Variants in ABHD17B observed in about 807,000 individuals in gnomAD.
ABHD17B encodes the protein alpha/beta hydrolase domain-containing protein 17B.
Under a neutral mutation model 26.2 loss-of-function variants are expected in ABHD17B, and 9 were observed. That is an observed-to-expected ratio of 0.34 (90% confidence interval 0.21 to 0.60). ABHD17B has a LOEUF of 0.60. Ranked by LOEUF, ABHD17B falls within the 20% of genes least tolerant of loss-of-function variation. ABHD17B has a pLI of 0.80. For missense variants in ABHD17B, 224 were observed against 352.1 expected, an observed-to-expected ratio of 0.64 and a Z score of 2.91; for synonymous variants, 127 against 122.3, an observed-to-expected ratio of 1.04 and a Z score of -0.25.
chr9:71,870,118 A>G lies in ABHD17B; in HGVS notation c.612T>C (p.Asp204=). The G allele has an allele frequency of 2.5e-6, 4 of 1,613,532 alleles. No individual in the cohort carries two copies. Among genetic ancestry groups the G allele is most frequent in the Non-Finnish European group, 3.4e-6 (4 of 1,179,808 alleles). ...LTSGMRVAFP[D]TKKTYCFDAF... is the part of the protein sequence containing the mutation. ...CATCAAAACAGTAGGTCTTCTTGGT[A>G]TCAGGAAAGGCAACTCGCATTCCCG... The change falls in exon 3 of 4, where the codon GAT becomes GAC. Residue 204 remains aspartate (D), a synonymous_variant. Coordinates refer to ENST00000333421, the MANE Select transcript of ABHD17B (RefSeq NM_001025780.3).
chr9:71,900,933 A>G (rs1362701798), intron 1 of ABHD17B, among the ~76,000 whole-genome samples: 3 of 152,030 alleles, frequency 2.0e-5, no homozygotes, highest in Non-Finnish European at 2.9e-5. Context: ...GTGGATCACA[A>G]GGTCAGGAGA....
chr9:71,865,361 C>G lies in ABHD17B; in HGVS notation c.*1426G>C, dbSNP rs1396087331. 2.0e-6 allele frequency: 2 copies of G among 982,136 alleles called. No individual in the cohort carries two copies. Among genetic ancestry groups the G allele is most frequent in the African/African-American group, 1.8e-5 (1 of 57,084 alleles). The allele number at this position is 982,136 out of a possible 1,614,324, so 60.8% of individuals were successfully genotyped here. A position where few individuals can be genotyped will look rare whatever the true frequency, so the allele number is the denominator to read the frequency against. ...TTCATTTACAAATTAGACTACATAC[C>G]ATTAATTTTATTTTTATTTTTCATT... On this transcript the variant is annotated 3_prime_UTR_variant, in exon 4 of 4. Transcript: ENST00000333421.
intron 2 of ABHD17B, 88 bp from the exon 3 acceptor site, chr9:71,870,350 T>C: frequency 8.2e-7 from 1 of 1,214,290 alleles, no homozygotes; most frequent in Non-Finnish European, 1.1e-6. Context: ...GATCTTAGAA[T>C]AAGACAATGT....
intron 2 of ABHD17B, among the ~76,000 whole-genome samples, chr9:71,872,374 C>A (rs181928737): frequency 5.3e-5 from 8 of 152,174 alleles, no homozygotes; most frequent in African/African-American, 1.7e-4. Flanking sequence ...GGCTGAAAAT[C>A]ATTTTTCAAA....
chr9:71,883,419 A>T (rs1452937864), intron 1 of ABHD17B, among the ~76,000 whole-genome samples: 1 of 152,206 alleles, frequency 6.6e-6, no homozygotes, highest in African/African-American at 2.4e-5. Context: ...CTAGGGATTG[A>T]CACAGCTGGT....
At chr9:71,871,663 G>C (rs1357321024) in intron 2 of ABHD17B, among the ~76,000 whole-genome samples, 3 of 152,202 alleles carry the variant, frequency 2.0e-5, no homozygotes, top group East Asian at 1.9e-4. Context: ...GGACTCACAA[G>C]AGTAACAACT....
At chr9:71,901,720 C>T (rs1369263481) in intron 1 of ABHD17B, among the ~76,000 whole-genome samples, 1 of 152,158 alleles carries the variant, frequency 6.6e-6, no homozygotes, top group Non-Finnish European at 1.5e-5. Context: ...CTTCATTCCT[C>T]TCATTCAATC....
rs1825920757 is a variant in ABHD17B, at chr9:71,865,240, T to C, written c.*1547A>G. On this transcript the variant is annotated 3_prime_UTR_variant, in exon 4 of 4. Coordinates refer to ENST00000333421, the MANE Select transcript of ABHD17B (RefSeq NM_001025780.3). ...TTGATATACTTTGAAGAGAGTCATA[T>C]ACTATAGTCTTAAACATAACCACGG... 2 of 985,658 alleles carry C rather than the reference T, an allele frequency of 2.0e-6. No homozygotes were observed. The highest frequency in any genetic ancestry group is 2.4e-6 in the Non-Finnish European group (2 of 829,814). 61.1% of individuals were successfully genotyped at this position (985,658 alleles called of 1,614,324 possible). A position where few individuals can be genotyped will look rare whatever the true frequency, so the allele number is the denominator to read the frequency against.
chr9:71,906,433 C>T (rs1827286374), intron 1 of ABHD17B, among the ~76,000 whole-genome samples: 1 of 152,186 alleles, frequency 6.6e-6, no homozygotes, highest in South Asian at 2.1e-4. Context: ...TCCATTGGTA[C>T]AAAGCGTCTA....
intron 1 of ABHD17B, among the ~76,000 whole-genome samples, chr9:71,894,075 G>A (rs111227735): frequency 0.018 from 2,062 of 114,748 alleles, 33 homozygotes; most frequent in African/African-American, 0.055. Context: ...GCGACAGAGC[G>A]AGACTCTATC....
chr9:71,868,878 G>A (rs183333385), intron 3 of ABHD17B, among the ~76,000 whole-genome samples: 140 of 152,060 alleles, frequency 9.2e-4, no homozygotes, highest in East Asian at 6.0e-3. Context: ...TGGTGGAGAC[G>A]GGGTTTCACC....
chr9:71,886,952 T>G (rs905260539), intron 1 of ABHD17B, among the ~76,000 whole-genome samples: 2 of 152,144 alleles, frequency 1.3e-5, no homozygotes, highest in Non-Finnish European at 2.9e-5. Context: ...GAATCATGTC[T>G]GGTACTTTTA....
At chr9:71,904,433 T>C (rs969259329) in intron 1 of ABHD17B, among the ~76,000 whole-genome samples, 4 of 152,182 alleles carry the variant, frequency 2.6e-5, no homozygotes, top group Non-Finnish European at 5.9e-5. Flanking sequence ...TTTGACCCTA[T>C]AGCTGAGAAA....
At position 71,886,354 on chromosome 9, in the gene ABHD17B, G is replaced by A. The variant is rs751452195; in HGVS notation, c.-3-11271C>T. Reference sequence around the variant, plus strand: ...TGTAATCTGAGCACTTTGGGAGGCCGAGTCAGGAGGATCTCTTGAGGCCAG... The same window carrying A: ...TGTAATCTGAGCACTTTGGGAGGCCAAGTCAGGAGGATCTCTTGAGGCCAG... On this transcript the variant is annotated intron_variant, in intron 1 of 3. Coordinates refer to ENST00000333421, the MANE Select transcript of ABHD17B (RefSeq NM_001025780.3). Among the ~76,000 whole-genome samples, 178 of 150,966 alleles carry A rather than the reference G, an allele frequency of 1.2e-3. 1 individual carries two copies. In the Middle Eastern group the frequency reaches 0.017, roughly 14 times the overall value.
At chr9:71,905,467 A>G (rs974385079) in intron 1 of ABHD17B, among the ~76,000 whole-genome samples, 1 of 152,196 alleles carries the variant, frequency 6.6e-6, no homozygotes, top group Admixed American at 6.5e-5. Flanking sequence ...TATTACTACT[A>G]ATATTTTTCT....
chr9:71,886,764 C>G (rs981249533), intron 1 of ABHD17B, among the ~76,000 whole-genome samples: 3 of 152,022 alleles, frequency 2.0e-5, no homozygotes, highest in Non-Finnish European at 4.4e-5. Context: ...TCTGTGAGAT[C>G]AAAGGGCTCA....
chr9:71,905,715 T>C (rs905835075), intron 1 of ABHD17B, among the ~76,000 whole-genome samples: 120 of 152,256 alleles, frequency 7.9e-4, no homozygotes, highest in African/African-American at 2.9e-3. Context: ...TGCCAGGCAC[T>C]TTTCTTGCAT....
At chr9:71,881,791 C>CAGA (rs1176462088) in intron 1 of ABHD17B, among the ~76,000 whole-genome samples, 2 of 151,486 alleles carry the variant, frequency 1.3e-5, no homozygotes, top group Non-Finnish European at 2.9e-5. Context: ...GAGGCTGAGG[C>CAGA]AGAAGAATCA....
chr9:71,907,670 C>A (rs1026796955), intron 1 of ABHD17B, among the ~76,000 whole-genome samples: 3 of 152,128 alleles, frequency 2.0e-5, no homozygotes, highest in Non-Finnish European at 4.4e-5. Context: ...CACCACCACA[C>A]CCGGCTAATT....
Sources: gnomAD v4.1 joint callset for allele counts (sites outside exome capture counted in the v4.1 genomes callset) on GRCh38, gnomAD v4.1.1 for gene constraint, MANE v1.5 for transcripts, NCBI Gene and HGNC (gene_info 2026-07-23, HGNC 2026-07-21) for gene names.